Variants in SP4 observed in about 807,000 individuals in gnomAD.
The protein encoded by SP4 is Sp4 transcription factor.
Under a neutral mutation model 72.8 loss-of-function variants are expected in SP4, and 19 were observed. The observed-to-expected ratio is 0.26, with a 90% CI of 0.18 to 0.38. The LOEUF is 0.38. SP4 is among the 10% of genes least tolerant of loss of function. The pLI is 1.00. For synonymous variants in SP4, 395 were observed against 333.1 expected, an observed-to-expected ratio of 1.19 and a Z score of -2.02; for missense variants, 1,008 against 926.3, an observed-to-expected ratio of 1.09 and a Z score of -1.14.
chr7:21,452,110 G>T (rs946730829), intron 3 of SP4, among the ~76,000 whole-genome samples: 1 of 152,182 alleles, frequency 6.6e-6, no homozygotes, highest in Admixed American at 6.5e-5. Context: ...AATAACAACT[G>T]ATGAGACTAA....
intron 5 of SP4, among the ~76,000 whole-genome samples, chr7:21,485,194 G>C (rs1192280477): frequency 6.6e-6 from 1 of 151,896 alleles, no homozygotes; most frequent in Non-Finnish European, 1.5e-5. Context: ...ATGTTAAGTT[G>C]AAAGCCTTAA....
rs1163535773 is a variant in SP4, at chr7:21,430,461, G to T, written c.1296G>T (p.Thr432=). The stretch of plus-strand genomic sequence containing the variant: ...CGTTTCAACTCCAGTCAGGGCAGAC[G>T]ATTCAGACCATCCAGCAGCAGCCTT... ...PQSFQLQSGQ[T]IQTIQQQPLQ... is the part of the protein sequence containing the mutation. The change falls in exon 3 of 6, where the codon ACG becomes ACT. Residue 432 remains threonine (T), a synonymous_variant. Coordinates refer to ENST00000222584, the MANE Select transcript of SP4 (RefSeq NM_003112.5). 3.1e-6 allele frequency: 5 copies of T among 1,614,042 alleles called. No individual in the cohort carries two copies. The African/African-American group carries it at 4.0e-5, about 13-fold the overall frequency.
At position 21,511,157 on chromosome 7, in the gene SP4, A is replaced by G. The variant is rs752235773; in HGVS notation, c.2243A>G (p.Asp748Gly). Residue 748 changes from aspartate (D) to glycine (G), a missense_variant, in exon 6 of 6, where the codon GAC becomes GGC. By Grantham distance (94) the Asp-to-Gly change is moderately conservative. This residue lies in a region of SP4 where 67 missense variants were observed against 66.1 expected (regional missense o/e 1.01). Transcript: ENST00000222584. ...GCCATTGTTACCTCGGGAGAACTGG[A>G]CTCATCTGTTACAGAGGTGCTTGGC... Reference protein sequence around the residue: ...ALAIVTSGELDSSVTEVLGSP... With the variant: ...ALAIVTSGELGSSVTEVLGSP... The G allele has an allele frequency of 7.4e-6, 12 of 1,614,034 alleles. No homozygotes were observed. Among genetic ancestry groups the G allele is most frequent in the South Asian group, 1.1e-5 (1 of 91,082 alleles).
intron 4 of SP4, among the ~76,000 whole-genome samples, chr7:21,481,056 C>T (rs1034257740): frequency 6.6e-6 from 1 of 152,190 alleles, no homozygotes; most frequent in African/African-American, 2.4e-5. Context: ...CTGGCCTCTC[C>T]TGGCTTAGAA....
intron 3 of SP4, among the ~76,000 whole-genome samples, chr7:21,436,209 T>A (rs1380086023): frequency 1.3e-5 from 2 of 151,866 alleles, no homozygotes; most frequent in African/African-American, 4.8e-5. Context: ...GAAAATAGAG[T>A]TTTAATCATC....
intron 3 of SP4, among the ~76,000 whole-genome samples, chr7:21,476,857 A>G (rs896261060): frequency 6.6e-6 from 1 of 152,204 alleles, no homozygotes; most frequent in African/African-American, 2.4e-5. Context: ...TAAATGATGT[A>G]TGTATATAGT....
intron 2 of SP4, 27 bp from the exon 3 acceptor site, chr7:21,429,258 CCCCT>C (rs1290808020): frequency 2.3e-6 from 3 of 1,304,184 alleles, no homozygotes; most frequent in African/African-American, 1.5e-5. Flanking sequence ...TTTTCCCCCC[CCCCT>C]CTCCTTTACC....
intron 3 of SP4, among the ~76,000 whole-genome samples, chr7:21,462,146 C>T (rs1189496198): frequency 6.6e-6 from 1 of 151,950 alleles, no homozygotes; most frequent in African/African-American, 2.4e-5. Context: ...CCACCTCAGC[C>T]TCCCAAGTAG....
chr7:21,501,713 G>T (rs1196073937), intron 5 of SP4, among the ~76,000 whole-genome samples: 2 of 152,150 alleles, frequency 1.3e-5, no homozygotes, highest in Non-Finnish European at 2.9e-5. Flanking sequence ...GGCTAGAGTT[G>T]TTGGTCTTCG....
At chr7:21,507,847 T>G (rs1466408154) in intron 5 of SP4, among the ~76,000 whole-genome samples, 2 of 152,086 alleles carry the variant, frequency 1.3e-5, no homozygotes, top group African/African-American at 2.4e-5. Flanking sequence ...ATGGAATCAC[T>G]TCATCCATTC....
At chr7:21,452,749 C>T (rs1010507587) in intron 3 of SP4, among the ~76,000 whole-genome samples, 16 of 151,672 alleles carry the variant, frequency 1.1e-4, no homozygotes, top group African/African-American at 3.6e-4. Flanking sequence ...AAGTATGTTC[C>T]AAATTTTGTT....
At chr7:21,434,817 A>T (rs1283528015) in intron 3 of SP4, among the ~76,000 whole-genome samples, 121 of 139,156 alleles carry the variant, frequency 8.7e-4, no homozygotes, top group African/African-American at 2.0e-3. Context: ...ATGTGTAATC[A>T]TTTTTTTTTT....
intron 3 of SP4, among the ~76,000 whole-genome samples, chr7:21,456,811 C>T (rs759040393): frequency 6.6e-6 from 1 of 152,204 alleles, no homozygotes; most frequent in Non-Finnish European, 1.5e-5. Context: ...ATTTCCTCTG[C>T]TTTTTCAAAT....
intron 3 of SP4, among the ~76,000 whole-genome samples, chr7:21,468,351 A>T (rs1784231005): frequency 6.6e-6 from 1 of 152,110 alleles, no homozygotes; most frequent in Non-Finnish European, 1.5e-5. Flanking sequence ...ATAATTTTGG[A>T]AGAATTGACA....
chr7:21,460,128 G>A (rs932124930), intron 3 of SP4, among the ~76,000 whole-genome samples: 3 of 152,190 alleles, frequency 2.0e-5, no homozygotes, highest in African/African-American at 7.2e-5. Context: ...AAGAAGGAAG[G>A]CATTGTACAA....
Position 21,446,588 on chromosome 7 carries a change from C to T in SP4, c.1678+15745C>T, listed in dbSNP as rs139918389. On this transcript the variant is annotated intron_variant, in intron 3 of 5. Coordinates refer to ENST00000222584, the MANE Select transcript of SP4 (RefSeq NM_003112.5). ...GTAGTGTGTTTCGTAAAATGAAATA[C>T]TTGAGGTACTTTCATTTAGTGTTAG... 1.2e-3 allele frequency among the ~76,000 whole-genome samples: 178 copies of T among 152,180 alleles called. 2 individuals carry two copies. In the East Asian group the frequency reaches 0.03, roughly 25 times the overall value.
intron 3 of SP4, among the ~76,000 whole-genome samples, chr7:21,444,157 A>G (rs1399418588): frequency 6.6e-6 from 1 of 152,180 alleles, no homozygotes; most frequent in Non-Finnish European, 1.5e-5. Flanking sequence ...TTCAGTCAGC[A>G]AGTAAATACT....
intron 5 of SP4, among the ~76,000 whole-genome samples, chr7:21,487,214 TTTG>T (rs1784838444): frequency 6.6e-6 from 1 of 152,176 alleles, no homozygotes; most frequent in Non-Finnish European, 1.5e-5. Context: ...GTGCCCCTGT[TTTG>T]TTTTTAACGC....
At chr7:21,449,380 A>G (rs1783521960) in intron 3 of SP4, among the ~76,000 whole-genome samples, 3 of 152,142 alleles carry the variant, frequency 2.0e-5, no homozygotes, top group Admixed American at 6.5e-5. Context: ...TCAATTTTCT[A>G]TTAATACACT....
Sources: allele counts gnomAD v4.1 joint callset (sites outside exome capture counted in the v4.1 genomes callset), GRCh38; gene constraint gnomAD v4.1.1; regional missense constraint gnomAD v4.1.1; transcripts MANE v1.5; gene names NCBI Gene and HGNC (gene_info 2026-07-23, HGNC 2026-07-21).